Variants in STK39 observed in about 807,000 individuals in gnomAD.
STK39 encodes serine/threonine kinase 39, also known as STE20/SPS1-related proline-alanine-rich protein kinase.
A neutral mutation model predicts 77.8 loss-of-function variants in STK39; 20 were observed. That is an observed-to-expected ratio of 0.26 (90% CI 0.18 to 0.37). The LOEUF is 0.37. Among genes scored for constraint, STK39 ranks in the 10% least tolerant of loss-of-function variants. The pLI, the probability that STK39 is intolerant of heterozygous loss-of-function variation, is 1.00. For synonymous variants in STK39, 246 were observed against 234.1 expected, an observed-to-expected ratio of 1.05 and a Z score of -0.47; for missense variants, 479 against 656.5, an observed-to-expected ratio of 0.73 and a Z score of 2.95.
At chr2:168,232,855 C>T (rs938656762) in intron 1 of STK39, among the ~76,000 whole-genome samples, 30 of 151,494 alleles carry the variant, frequency 2.0e-4, no homozygotes, top group Admixed American at 7.2e-4. Flanking sequence ...GAGGTTGCAG[C>T]GAGCCGAGAT....
At chr2:168,113,687 C>T (rs1265991368) in intron 10 of STK39, among the ~76,000 whole-genome samples, 1 of 152,204 alleles carries the variant, frequency 6.6e-6, no homozygotes, top group African/African-American at 2.4e-5. Context: ...CAGTCACTCG[C>T]ACCACTCTCA....
At chr2:167,988,012 A>G (rs1683604257) in intron 16 of STK39, among the ~76,000 whole-genome samples, 1 of 152,206 alleles carries the variant, frequency 6.6e-6, no homozygotes, top group Non-Finnish European at 1.5e-5. Flanking sequence ...CACAGAGATG[A>G]AGCAACTTGT....
intron 2 of STK39, among the ~76,000 whole-genome samples, chr2:168,174,843 A>AAC: frequency 6.6e-6 from 1 of 151,688 alleles, no homozygotes; most frequent in African/African-American, 2.4e-5. Context: ...AAAAAAAAAA[A>AAC]AAAAAAAAAC....
At chr2:168,102,652 A>C (rs1392694457) in intron 10 of STK39, among the ~76,000 whole-genome samples, 2 of 152,092 alleles carry the variant, frequency 1.3e-5, no homozygotes, top group Non-Finnish European at 2.9e-5. Flanking sequence ...CTTCTCAGCC[A>C]GGTGCGGTGG....
At chr2:168,101,258 T>C (rs1344139629) in intron 10 of STK39, among the ~76,000 whole-genome samples, 11 of 152,096 alleles carry the variant, frequency 7.2e-5, no homozygotes, top group African/African-American at 2.7e-4. Flanking sequence ...CTAATGTAGA[T>C]GATGGGTTGA....
intron 8 of STK39, among the ~76,000 whole-genome samples, chr2:168,137,084 G>C (rs1244020436): frequency 6.6e-6 from 1 of 152,218 alleles, no homozygotes; most frequent in African/African-American, 2.4e-5. Flanking sequence ...GTTTAAACTA[G>C]AGAAGGCTTG....
Position 168,182,099 on chromosome 2 carries a change from A to C in STK39, c.209-9T>G. The C allele has an allele frequency of 1.2e-6, 2 of 1,610,690 alleles. No individual in the cohort carries two copies. Among genetic ancestry groups the C allele is most frequent in the Non-Finnish European group, 8.5e-7 (1 of 1,176,976 alleles). On this transcript the variant is annotated splice_polypyrimidine_tract_variant and intron_variant, in intron 1 of 17. Transcript: ENST00000355999. ...AGCAGTAGCTCCACTGCCTGCAATG[A>C]AATAAAAACAACATCAGCGATCAAA...
chr2:167,966,632 C>T (rs1433381009), intron 16 of STK39, among the ~76,000 whole-genome samples: 2 of 152,096 alleles, frequency 1.3e-5, no homozygotes, highest in African/African-American at 4.8e-5. Flanking sequence ...TATACAAGGG[C>T]CAATTTCCAG....
intron 14 of STK39, among the ~76,000 whole-genome samples, chr2:168,039,063 A>G (rs1005465941): frequency 6.6e-6 from 1 of 152,136 alleles, no homozygotes; most frequent in Non-Finnish European, 1.5e-5. Flanking sequence ...CAAAATATAG[A>G]CCACTTAAAG....
chr2:168,012,693 T>C lies in STK39; in HGVS notation c.1439A>G (p.Asp480Gly). Residue 480 changes from aspartate (D) to glycine (G), a missense_variant, in exon 16 of 18, where the codon GAT becomes GGT. By Grantham distance (94) the Asp-to-Gly change is moderately conservative (BLOSUM62 -1). This residue lies in a region of STK39 where 244 missense variants were observed against 296.8 expected (regional missense o/e 0.82). Transcript: ENST00000355999. ...AGAGAAGAGCTCCTGAGATACACCA[T>C]CTGCTGTATCTGTCCAAATGTGAAA... is the stretch of plus-strand genomic sequence containing the variant. ...FEFTPGRDTA[D>G]GVSQELFSAG... 1 of 1,613,442 alleles carries C rather than the reference T, an allele frequency of 6.2e-7. No individual in the cohort carries two copies. The highest frequency in any genetic ancestry group is 8.5e-7 in the Non-Finnish European group (1 of 1,179,550).
chr2:168,168,400 C>G (rs751896631), intron 2 of STK39, among the ~76,000 whole-genome samples: 108 of 152,250 alleles, frequency 7.1e-4, no homozygotes, highest in Non-Finnish European at 1.6e-4. Context: ...GTGTAACTCA[C>G]TTTCAAGGTG....
chr2:168,031,036 T>C (rs1030270176), intron 14 of STK39, among the ~76,000 whole-genome samples: 1 of 151,984 alleles, frequency 6.6e-6, no homozygotes, highest in Non-Finnish European at 1.5e-5. Flanking sequence ...AAAGAAAAAA[T>C]GCATCTGCTT....
At chr2:168,161,167 A>G (rs1387761505) in intron 5 of STK39, among the ~76,000 whole-genome samples, 3 of 152,188 alleles carry the variant, frequency 2.0e-5, no homozygotes, top group African/African-American at 7.2e-5. Context: ...GGGTAAAGCA[A>G]GAGTTAATAT....
At chr2:168,009,992 G>A (rs1050250332) in intron 16 of STK39, among the ~76,000 whole-genome samples, 3 of 152,166 alleles carry the variant, frequency 2.0e-5, no homozygotes, top group African/African-American at 7.2e-5. Context: ...AAAAAGAAGT[G>A]CATTAAACTT....
chr2:168,233,189 C>G (rs1379952035), intron 1 of STK39, among the ~76,000 whole-genome samples: 2 of 152,210 alleles, frequency 1.3e-5, no homozygotes, highest in African/African-American at 4.8e-5. Flanking sequence ...AGTCCTATTT[C>G]AGCCACCCGA....
At chr2:167,978,648 T>G (rs1683340545) in intron 16 of STK39, among the ~76,000 whole-genome samples, 1 of 152,202 alleles carries the variant, frequency 6.6e-6, no homozygotes, top group South Asian at 2.1e-4. Flanking sequence ...TACCTCAAAT[T>G]GCATGTTTTT....
At chr2:168,113,995 A>G (rs1212209017) in intron 10 of STK39, among the ~76,000 whole-genome samples, 1 of 152,266 alleles carries the variant, frequency 6.6e-6, no homozygotes, top group East Asian at 1.9e-4. Context: ...CATTCATTGT[A>G]ACTGTTTAAA....
chr2:168,247,225 G>T lies in STK39; in HGVS notation c.208+3C>A. On this transcript the variant is annotated splice_donor_region_variant and intron_variant, in intron 1 of 17. Coordinates refer to ENST00000355999, the MANE Select transcript of STK39 (RefSeq NM_013233.3). ...CCGGCCCCGCCGCGCCCGCCGCACT[G>T]ACCGATAACCTCCTGCAGCTCGTAC... 2.5e-6 allele frequency: 3 copies of T among 1,201,544 alleles called. No individual in the cohort carries two copies. Among genetic ancestry groups the T allele is most frequent in the South Asian group, 4.7e-5 (2 of 42,162 alleles). The allele number at this position is 1,201,544 out of a possible 1,614,324, so 74.4% of individuals were successfully genotyped here.
chr2:167,971,790 C>T (rs1692353330), intron 16 of STK39, among the ~76,000 whole-genome samples: 1 of 152,198 alleles, frequency 6.6e-6, no homozygotes, highest in African/African-American at 2.4e-5. Flanking sequence ...GTACATTTTA[C>T]CTGAGTAAAG....
Sources: allele counts gnomAD v4.1 joint callset (sites outside exome capture counted in the v4.1 genomes callset), GRCh38; gene constraint gnomAD v4.1.1; regional missense constraint gnomAD v4.1.1; transcripts MANE v1.5; gene names NCBI Gene and HGNC (gene_info 2026-07-23, HGNC 2026-07-21).